Variants in TAFA2 observed in about 807,000 individuals in gnomAD.
TAFA2 encodes the protein chemokine-like protein TAFA-2.
In TAFA2, 7 loss-of-function variants were observed where a neutral mutation model predicts 18.8. The observed-to-expected ratio is 0.37, with a 90% confidence interval of 0.21 to 0.70. The LOEUF is 0.70. Ranked by LOEUF, TAFA2 falls within the 30% of genes least tolerant of loss-of-function variation. The pLI, the probability that TAFA2 is intolerant of heterozygous loss-of-function variation, is 0.53. For missense variants in TAFA2, 122 were observed against 158.1 expected (o/e 0.77, Z 1.23); for synonymous variants, 60 against 54.2 (o/e 1.11, Z -0.47).
rs150293448 is a variant in TAFA2, at chr12:62,142,928, A to G, written c.-2+48331T>C. Reference sequence around the variant, plus strand: ...AGAACGCTATTATATAAGTACTACTATTGTTTTCATTTTCCAGAGGAAAAA... The same window carrying G: ...AGAACGCTATTATATAAGTACTACTGTTGTTTTCATTTTCCAGAGGAAAAA... On this transcript the variant is annotated intron_variant, in intron 1 of 4. Coordinates refer to ENST00000416284, the MANE Select transcript of TAFA2 (RefSeq NM_178539.5). 3.9e-5 allele frequency among the ~76,000 whole-genome samples: 6 copies of G among 152,318 alleles called. No individual in the cohort carries two copies. The East Asian group carries it at 1.2e-3, about 29-fold the overall frequency.
rs1384499545 is a variant in TAFA2 at position 62,229,456 on chromosome 12, A to G, written c.-130+29307T>C. 4.6e-5 allele frequency among the ~76,000 whole-genome samples: 7 copies of G among 152,006 alleles called. No individual in the cohort carries two copies. The East Asian group carries it at 1.3e-3, about 29-fold the overall frequency. ...GTTGAATATTGTCAAACACTTTTTC[A>G]TCATCTAATGAAATGATCATATGGT... is the stretch of plus-strand genomic sequence containing the variant. On this transcript the variant is annotated intron_variant, in intron 1 of 5. Coordinates refer to the TAFA2 transcript ENST00000551619.
At chr12:61,963,937 C>T (rs1878978350) in intron 1 of TAFA2, among the ~76,000 whole-genome samples, 1 of 152,018 alleles carries the variant, frequency 6.6e-6, no homozygotes, top group African/African-American at 2.4e-5. Context: ...CATGTACAAT[C>T]ATCTGATCTT....
intron 4 of TAFA2, among the ~76,000 whole-genome samples, chr12:61,723,910 T>C (rs1290759281): frequency 6.6e-6 from 1 of 152,074 alleles, no homozygotes; most frequent in Non-Finnish European, 1.5e-5. Context: ...TCTCATGAAA[T>C]ATTTCATGAG....
At chr12:62,064,228 AT>A (rs953845123) in intron 1 of TAFA2, among the ~76,000 whole-genome samples, 1 of 152,056 alleles carries the variant, frequency 6.6e-6, no homozygotes, top group African/African-American at 2.4e-5. Context: ...AAACACTATT[AT>A]TTTTTACATG....
chr12:61,815,158 A>ACCC (rs1872026849), intron 2 of TAFA2, among the ~76,000 whole-genome samples: 1 of 151,580 alleles, frequency 6.6e-6, no homozygotes, highest in Non-Finnish European at 1.5e-5. Context: ...AGAGAGGAGG[A>ACCC]CATATATCTA....
At chr12:62,079,061 G>A (rs1868281129) in intron 1 of TAFA2, among the ~76,000 whole-genome samples, 1 of 152,196 alleles carries the variant, frequency 6.6e-6, no homozygotes, top group Admixed American at 6.5e-5. Context: ...GGACTCGAGT[G>A]TTGCCAGTGA....
At chr12:61,764,230 T>TAGATAGATA (rs1555163229) in intron 2 of TAFA2, among the ~76,000 whole-genome samples, 10,869 of 150,016 alleles carry the variant, frequency 0.072, 465 homozygotes, top group Admixed American at 0.11. Flanking sequence ...GATGATTGAT[T>TAGATAGATA]GATAGATAGA....
At chr12:61,783,590 T>G (rs1287060506) in intron 2 of TAFA2, among the ~76,000 whole-genome samples, 1 of 151,644 alleles carries the variant, frequency 6.6e-6, no homozygotes, top group Non-Finnish European at 1.5e-5. Flanking sequence ...AAGTATTCTT[T>G]ATTTCTTATC....
chr12:62,201,663 G>A (rs2062671585), intron 1 of TAFA2, among the ~76,000 whole-genome samples: 1 of 152,208 alleles, frequency 6.6e-6, no homozygotes, highest in Non-Finnish European at 1.5e-5. Context: ...TTGCATTGAT[G>A]TTCATCAGGG....
chr12:62,007,836 G>A (rs903402764), intron 1 of TAFA2, among the ~76,000 whole-genome samples: 3 of 152,094 alleles, frequency 2.0e-5, no homozygotes, highest in East Asian at 3.8e-4. Context: ...TCTTTGTGGC[G>A]AGAGCATTCA....
Position 62,192,664 on chromosome 12 carries a change from T to A in TAFA2, c.-1407A>T, listed in dbSNP as rs2062631624. The A allele has an allele frequency of 6.6e-6, 1 of 152,212 alleles. No homozygotes were observed. Among genetic ancestry groups the A allele is most frequent in the African/African-American group, 2.4e-5 (1 of 41,424 alleles). The allele number at this position is 152,212 out of a possible 1,614,324, so 9.4% of individuals were successfully genotyped here. A position where few individuals can be genotyped will look rare whatever the true frequency, so the allele number is the denominator to read the frequency against. Reference sequence around the variant, plus strand: ...TGCAGCGAGAATGCAGGAGAATAGGTCCTGACACTCCAGGTTGAGTTAAGC... The same window carrying A: ...TGCAGCGAGAATGCAGGAGAATAGGACCTGACACTCCAGGTTGAGTTAAGC... On this transcript the variant is annotated 5_prime_UTR_variant, in exon 1 of 5. Coordinates refer to ENST00000416284, the MANE Select transcript of TAFA2 (RefSeq NM_178539.5).
intron 2 of TAFA2, among the ~76,000 whole-genome samples, chr12:61,835,368 G>C (rs777773720): frequency 6.6e-6 from 1 of 151,834 alleles, no homozygotes; most frequent in African/African-American, 2.4e-5. Context: ...ATTTTGGGGG[G>C]CCTGGCTTAT....
At position 62,031,673 on chromosome 12, in the gene TAFA2, A is replaced by G. The variant is rs185243389; in HGVS notation, c.-2+159586T>C. 3.0e-3 allele frequency among the ~76,000 whole-genome samples: 462 copies of G among 152,282 alleles called. 2 individuals are homozygous for G. The highest frequency in any genetic ancestry group is 6.8e-3 in the Middle Eastern group (2 of 294). On this transcript the variant is annotated intron_variant, in intron 1 of 4. Transcript: ENST00000416284. Reference sequence around the variant, plus strand: ...AAGAATGACATTTACCTGTATATATATACACTTTGAGAACTTGGGGATCAC... The same window carrying G: ...AAGAATGACATTTACCTGTATATATGTACACTTTGAGAACTTGGGGATCAC...
At chr12:62,176,823 C>T (rs115986923) in intron 1 of TAFA2, among the ~76,000 whole-genome samples, 1 of 152,276 alleles carries the variant, frequency 6.6e-6, no homozygotes, top group African/African-American at 2.4e-5. Context: ...AATTCTCTAA[C>T]CAGCATTCTG....
chr12:62,199,765 A>G (rs1035051784), intron 1 of TAFA2, among the ~76,000 whole-genome samples: 3 of 152,148 alleles, frequency 2.0e-5, no homozygotes, highest in African/African-American at 7.2e-5. Context: ...CTTTGGGTAT[A>G]TACCCAGTAA....
chr12:61,872,439 G>A (rs2121237288), intron 1 of TAFA2, among the ~76,000 whole-genome samples: 1 of 152,142 alleles, frequency 6.6e-6, no homozygotes, highest in Middle Eastern at 3.4e-3. Context: ...GGTAGAATGC[G>A]CGGTGGATTA....
At chr12:62,053,135 AT>A (rs1391860465) in intron 1 of TAFA2, among the ~76,000 whole-genome samples, 1 of 152,212 alleles carries the variant, frequency 6.6e-6, no homozygotes, top group Non-Finnish European at 1.5e-5. Context: ...ATGAGAGTTA[AT>A]TTAATTCATT....
intron 4 of TAFA2, among the ~76,000 whole-genome samples, chr12:61,729,812 A>G (rs962916128): frequency 6.6e-6 from 1 of 152,008 alleles, no homozygotes; most frequent in Non-Finnish European, 1.5e-5. Flanking sequence ...TTGTCATATT[A>G]CCAGAATTAT....
At chr12:61,984,485 C>T (rs1879749585) in intron 1 of TAFA2, among the ~76,000 whole-genome samples, 1 of 152,136 alleles carries the variant, frequency 6.6e-6, no homozygotes, top group Admixed American at 6.5e-5. Flanking sequence ...ACTGCAAAGG[C>T]TGAGTTAGTT....
Sources: allele counts gnomAD v4.1 joint callset (sites outside exome capture counted in the v4.1 genomes callset), GRCh38; gene constraint gnomAD v4.1.1; transcripts MANE v1.5; gene names NCBI Gene and HGNC (gene_info 2026-07-23, HGNC 2026-07-21).